Variants in SRP54 observed in about 807,000 individuals in gnomAD.
The protein encoded by SRP54 is signal recognition particle subunit SRP54.
Under a neutral mutation model 64.8 loss-of-function variants are expected in SRP54, and 10 were observed. The ratio of observed to expected loss-of-function variants is 0.15; its 90% CI spans 0.10 to 0.26. The LOEUF is 0.26. Ranked by LOEUF, SRP54 falls within the 10% of genes least tolerant of loss-of-function variation. The pLI, the probability that SRP54 is intolerant of heterozygous loss-of-function variation, is 1.00. For missense variants in SRP54, 325 were observed against 613.7 expected (o/e 0.53, Z 4.97); for synonymous variants, 193 against 185.6 (o/e 1.04, Z -0.32).
intron 1 of SRP54, among the ~76,000 whole-genome samples, chr14:34,988,573 A>AT (rs2043932726): frequency 4.2e-5 from 1 of 23,838 alleles, no homozygotes; most frequent in Non-Finnish European, 1.6e-4. Context: ...AAAAAAAAAA[A>AT]AAAAAATATA....
chr14:34,999,107 C>T (rs1360272637), intron 2 of SRP54, among the ~76,000 whole-genome samples: 2 of 149,970 alleles, frequency 1.3e-5, no homozygotes, highest in Admixed American at 1.3e-4. Context: ...CTCCGCCTCC[C>T]GAGTTCAAGT....
chr14:34,986,974 G>T (rs2043904805), intron 1 of SRP54, among the ~76,000 whole-genome samples: 1 of 151,206 alleles, frequency 6.6e-6, no homozygotes, highest in African/African-American at 2.4e-5. Context: ...GGTGGCTTAA[G>T]CCTGTCCCAA....
At chr14:35,019,141 G>C (rs564592055) in intron 13 of SRP54, 67 bp downstream of exon 13, 1 of 1,109,068 alleles carries the variant, frequency 9.0e-7, no homozygotes, top group African/African-American at 1.6e-5. Context: ...GAGTTTCACT[G>C]TATTCTTGTG....
At chr14:35,013,663 A>G (rs1038254088) in intron 9 of SRP54, 139 bp from the exon 10 acceptor site, 20 of 1,060,468 alleles carry the variant, frequency 1.9e-5, no homozygotes, top group South Asian at 9.8e-5. Context: ...ATATAGGTCT[A>G]TTATAACTTG....
chr14:35,019,951 G>T (rs1377112173), intron 13 of SRP54, among the ~76,000 whole-genome samples: 1 of 152,210 alleles, frequency 6.6e-6, no homozygotes, highest in Non-Finnish European at 1.5e-5. Flanking sequence ...GGGAGGCTGA[G>T]GCGGGCGGAT....
At chr14:35,009,790 G>A (rs28479817) in intron 7 of SRP54, among the ~76,000 whole-genome samples, 55,946 of 151,874 alleles carry the variant, frequency 0.37, 10,920 homozygotes, top group East Asian at 0.69. Context: ...CACTTCGGGA[G>A]GCTGAGGTGG....
intron 4 of SRP54, among the ~76,000 whole-genome samples, chr14:35,001,548 T>C (rs79905967): frequency 0.026 from 4,026 of 152,242 alleles, 77 homozygotes; most frequent in Non-Finnish European, 0.042. Context: ...AAAGCCAAGA[T>C]GCGATGAGTG....
intron 14 of SRP54, among the ~76,000 whole-genome samples, chr14:35,024,000 T>A (rs2044578891): frequency 6.6e-6 from 1 of 152,104 alleles, no homozygotes; most frequent in Admixed American, 6.6e-5. Context: ...TAAAAAAATT[T>A]TGTAGTAATA....
chr14:34,983,775 C>CT (rs1254571995), intron 1 of SRP54, among the ~76,000 whole-genome samples: 10 of 152,232 alleles, frequency 6.6e-5, no homozygotes, highest in African/African-American at 2.4e-4. Flanking sequence ...AAAATATATA[C>CT]TTGTTCTTGG....
At position 35,012,217 on chromosome 14, in the gene SRP54, CAA is replaced by C. The variant is rs60971433; in HGVS notation, c.636+577_636+578del. Among the ~76,000 whole-genome samples the C allele has an allele frequency of 2.0e-3, 215 of 107,250 alleles. 1 individual carries two copies. The highest frequency in any genetic ancestry group is 3.2e-3 in the African/African-American group (87 of 27,496). 70.4% of individuals were successfully genotyped at this position (107,250 alleles called of 152,430 possible). ...GGCAACAAGAGCAAAACTCCATCTC[CAA>C]AAAAAAAAAAAAAAAAAATTAGTAA... On this transcript the variant is annotated intron_variant, in intron 8 of 15. Coordinates refer to ENST00000216774, the MANE Select transcript of SRP54 (RefSeq NM_003136.4).
chr14:35,014,859 C>T, intron 11 of SRP54, 29 bp downstream of exon 11: 1 of 1,515,614 alleles, frequency 6.6e-7, no homozygotes, highest in Non-Finnish European at 9.1e-7. Context: ...AGCACTTCAT[C>T]TCAGATTTCT....
In SRP54 at chr14:35,013,805, C is replaced by T. The variant is rs752763811; in HGVS notation, c.789C>T (p.Val263=). ...HAKGGGALSA[V]AATKSPIIFI... ...TATATTTTCTTTTTTTTTCCAGAGT[C>T]GCTGCCACAAAAAGTCCGATTATTT... The change falls in exon 10 of 16, where the codon GTC becomes GTT. Residue 263 remains valine (V), a synonymous_variant. Coordinates refer to ENST00000216774, the MANE Select transcript of SRP54 (RefSeq NM_003136.4). 65 of 1,604,248 alleles carry T rather than the reference C, an allele frequency of 4.1e-5. No homozygotes were observed. The highest frequency in any genetic ancestry group is 4.8e-5 in the Non-Finnish European group (57 of 1,176,760).
At chr14:35,014,851 C>A (rs758849664) in intron 11 of SRP54, 21 bp downstream of exon 11, 13 of 1,538,320 alleles carry the variant, frequency 8.5e-6, no homozygotes, top group South Asian at 1.2e-5. Context: ...GACAAAAAAG[C>A]ACTTCATCTC....
intron 4 of SRP54, chr14:35,004,434 T>C (rs901468566): frequency 1.8e-4 from 27 of 152,216 alleles, no homozygotes; most frequent in African/African-American, 5.5e-4. Context: ...GTTTTGTGAA[T>C]AGCTAGTGCG....
chr14:34,984,557 C>G (rs1036875362), intron 1 of SRP54, among the ~76,000 whole-genome samples: 1 of 152,076 alleles, frequency 6.6e-6, no homozygotes, highest in Non-Finnish European at 1.5e-5. Context: ...ACTGGAGTAC[C>G]GAGGCACCAT....
intron 10 of SRP54, 38 bp downstream of exon 10, chr14:35,013,940 A>G (rs1261316773): frequency 4.4e-6 from 6 of 1,369,588 alleles, no homozygotes; most frequent in Non-Finnish European, 6.2e-6. Flanking sequence ...AATCTCCAAG[A>G]AATACGATGT....
chr14:35,025,839 T>G (rs1330058486), intron 14 of SRP54, among the ~76,000 whole-genome samples: 1 of 152,184 alleles, frequency 6.6e-6, no homozygotes, highest in Non-Finnish European at 1.5e-5. Flanking sequence ...AGGAGGAGCT[T>G]TGAGTCCCAT....
At chr14:35,005,035 C>G (rs1351753353) in intron 4 of SRP54, among the ~76,000 whole-genome samples, 1 of 152,144 alleles carries the variant, frequency 6.6e-6, no homozygotes, top group Non-Finnish European at 1.5e-5. Flanking sequence ...TGTTGTGGCA[C>G]AAAAGCAGTA....
At chr14:34,986,280 T>C (rs1205946237) in intron 1 of SRP54, among the ~76,000 whole-genome samples, 1 of 152,218 alleles carries the variant, frequency 6.6e-6, no homozygotes, top group Non-Finnish European at 1.5e-5. Flanking sequence ...ATATAATCTT[T>C]GGTGCTAAGT....
Sources: gnomAD v4.1 joint callset for allele counts (sites outside exome capture counted in the v4.1 genomes callset) on GRCh38, gnomAD v4.1.1 for gene constraint, MANE v1.5 for transcripts, NCBI Gene and HGNC (gene_info 2026-07-23, HGNC 2026-07-21) for gene names.